CIT: variants seen among roughly 807,000 people sequenced by gnomAD.
CIT encodes the protein citron rho-interacting serine/threonine kinase.
CIT carries 79 observed loss-of-function variants against 272.7 expected under a neutral mutation model. That is an observed-to-expected ratio of 0.29 (90% CI 0.24 to 0.35). The LOEUF (loss-of-function observed/expected upper bound fraction) is 0.35, where lower values mean the gene tolerates loss of function less well. Ranked by LOEUF, CIT falls within the 10% of genes least tolerant of loss-of-function variation. The probability of loss-of-function intolerance (pLI) is 1.00; values close to 1 mark genes in which losing one functional copy is unlikely to be tolerated. For synonymous variants in CIT, 948 were observed against 995.6 expected, an observed-to-expected ratio of 0.95 and a Z score of 0.90; for missense variants, 1,909 against 2,618.3, an observed-to-expected ratio of 0.73 and a Z score of 5.91.
intron 5 of CIT, among the ~76,000 whole-genome samples, chr12:119,845,305 C>T (rs901977255): frequency 6.6e-6 from 1 of 151,996 alleles, no homozygotes; most frequent in Non-Finnish European, 1.5e-5. Flanking sequence ...CCAAGAGGTA[C>T]TCCGGGAAGG....
chr12:119,787,166 T>C (rs1403329368), intron 10 of CIT, among the ~76,000 whole-genome samples: 1 of 151,916 alleles, frequency 6.6e-6, no homozygotes, highest in Non-Finnish European at 1.5e-5. Flanking sequence ...GGTTTCTCCA[T>C]GTTGCCCAGG....
intron 19 of CIT, 126 bp downstream of exon 19, chr12:119,766,961 T>A (rs1962524483): frequency 2.0e-6 from 1 of 490,094 alleles, no homozygotes; most frequent in Middle Eastern, 3.4e-4. Context: ...CACCATGGAA[T>A]AAGGACATTA....
At chr12:119,856,123 C>T (rs147981105) in intron 4 of CIT, among the ~76,000 whole-genome samples, 3 of 152,280 alleles carry the variant, frequency 2.0e-5, no homozygotes, top group Non-Finnish European at 2.9e-5. Context: ...AGCTTCCTGC[C>T]CTCCGCTGCT....
At chr12:119,781,700 G>A (rs916391634) in intron 13 of CIT, among the ~76,000 whole-genome samples, 10 of 152,052 alleles carry the variant, frequency 6.6e-5, no homozygotes, top group East Asian at 5.8e-4. Flanking sequence ...TAAAGGTCTC[G>A]ATTCTCCTTT....
At chr12:119,837,235 C>A (rs1414605735) in intron 5 of CIT, among the ~76,000 whole-genome samples, 1 of 152,118 alleles carries the variant, frequency 6.6e-6, no homozygotes, top group Non-Finnish European at 1.5e-5. Context: ...TGTGGCTATC[C>A]CAAGATGTTA....
chr12:119,693,869 A>G (rs1009478097), intron 46 of CIT, among the ~76,000 whole-genome samples: 5 of 152,206 alleles, frequency 3.3e-5, no homozygotes, highest in African/African-American at 1.2e-4. Context: ...CCACCAAATT[A>G]TGGGCTCCTG....
rs1249142472 is a variant in CIT, at chr12:119,718,554, C to A, written c.4003+145G>T. ...AACTTGGCAATGCACAGGGGCCATA[C>A]GTTTTTCAGACATGGGATGTCTGGT... On this transcript the variant is annotated intron_variant, in intron 31 of 47. Coordinates refer to ENST00000392521, the MANE Select transcript of CIT (RefSeq NM_001206999.2). The surrounding 1 kb of genome is among the most constrained non-coding windows in gnomAD (Gnocchi z 4.8). 2.9e-6 allele frequency: 4 copies of A among 1,403,408 alleles called. No homozygotes were observed. In the Admixed American group the frequency reaches 6.1e-5, roughly 21 times the overall value. 86.9% of individuals were successfully genotyped at this position (1,403,408 alleles called of 1,614,324 possible). A position where few individuals can be genotyped will look rare whatever the true frequency, so the allele number is the denominator to read the frequency against.
At position 119,752,237 on chromosome 12, in the gene CIT, T is replaced by C; in HGVS notation, c.2717A>G (p.Glu906Gly). 2 of 1,606,788 alleles carry C rather than the reference T, an allele frequency of 1.2e-6. No homozygotes were observed. The highest frequency in any genetic ancestry group is 2.2e-5 in the South Asian group (2 of 90,884). Residue 906 changes from glutamate (E) to glycine (G), a missense_variant, in exon 23 of 48, where the codon GAG (glutamate) becomes GGG (glycine). This residue lies in a region of CIT where 530 missense variants were observed against 822.4 expected (regional missense o/e 0.64). Transcript: ENST00000392521. ...LETRLREVSLEHEEQKLELKR... is the reference protein window; with the variant it reads ...LETRLREVSLGHEEQKLELKR... The stretch of plus-strand genomic sequence containing the variant: ...GAGCTCCAGTTTCTGCTCCTCGTGC[T>C]CTAGACTGACCTGAGACAGAGAGAG...
Position 119,770,645 on chromosome 12 carries a change from A to C in CIT, c.2208+140T>G. ...TATTCATACTACTCTACGATGTGGCATATGCTGAAACCACCTCACTCAATT... is the reference window on the plus strand; with the variant it reads ...TATTCATACTACTCTACGATGTGGCCTATGCTGAAACCACCTCACTCAATT... On this transcript the variant is annotated intron_variant, in intron 18 of 47. Transcript: ENST00000392521. This position sits in a 1 kb window ranked among gnomAD's most constrained non-coding sequence, Gnocchi z 4.4. The C allele has an allele frequency of 1.1e-6, 1 of 890,862 alleles. No individual in the cohort carries two copies. Among genetic ancestry groups the C allele is most frequent in the South Asian group, 1.6e-5 (1 of 62,130 alleles). 55.2% of individuals were successfully genotyped at this position (890,862 alleles called of 1,614,324 possible). A position where few individuals can be genotyped will look rare whatever the true frequency, so the allele number is the denominator to read the frequency against.
intron 47 of CIT, among the ~76,000 whole-genome samples, chr12:119,689,137 C>T (rs1955768497): frequency 6.6e-6 from 1 of 151,880 alleles, no homozygotes; most frequent in South Asian, 2.1e-4. Flanking sequence ...TATGATCACA[C>T]CACTGCACTC....
At chr12:119,745,373 G>GAAAAAAAAA (rs1959205778) in intron 23 of CIT, among the ~76,000 whole-genome samples, 1 of 2,238 alleles carries the variant, frequency 4.5e-4, no homozygotes, top group Non-Finnish European at 9.2e-4. Flanking sequence ...GAAGAAACAA[G>GAAAAAAAAA]CAAAAAAAAA....
In CIT at chr12:119,852,626, C is replaced by CG. The variant is rs575237094; in HGVS notation, c.415-2352dup. Reference sequence around the variant, plus strand: ...CTGAGGCAGGAGAATCACTGGAACCCGGGGGCAGAGGTTGCAGTGAGCTGA... The same window carrying CG: ...CTGAGGCAGGAGAATCACTGGAACCCGGGGGGCAGAGGTTGCAGTGAGCTGA... On this transcript the variant is annotated intron_variant, in intron 4 of 47. Coordinates refer to ENST00000392521, the MANE Select transcript of CIT (RefSeq NM_001206999.2). Among the ~76,000 whole-genome samples the CG allele has an allele frequency of 1.1e-4, 17 of 151,380 alleles. No individual in the cohort carries two copies. The South Asian group carries it at 3.4e-3, about 30-fold the overall frequency.
intron 9 of CIT, among the ~76,000 whole-genome samples, chr12:119,808,995 T>A (rs1371796061): frequency 1.3e-5 from 2 of 152,132 alleles, no homozygotes; most frequent in African/African-American, 4.8e-5. Context: ...TGATGGCAAG[T>A]TTTGCCAGTG....
At chr12:119,868,312 T>A (rs1950572588) in intron 3 of CIT, among the ~76,000 whole-genome samples, 1 of 152,222 alleles carries the variant, frequency 6.6e-6, no homozygotes, top group African/African-American at 2.4e-5. Flanking sequence ...TCATTTTTCC[T>A]ATAATTTTAA....
chr12:119,693,966 T>C (rs796864900), intron 46 of CIT, among the ~76,000 whole-genome samples: 5 of 152,350 alleles, frequency 3.3e-5, no homozygotes, highest in African/African-American at 1.2e-4. Flanking sequence ...CATAACTATT[T>C]AGAAGGTAGA....
At position 119,694,362 on chromosome 12, in the gene CIT, A is replaced by C. The variant is rs1438770627; in HGVS notation, c.5882+3297T>G. On this transcript the variant is annotated intron_variant, in intron 46 of 47. Coordinates refer to ENST00000392521, the MANE Select transcript of CIT (RefSeq NM_001206999.2). This position sits in a 1 kb window ranked among gnomAD's most constrained non-coding sequence, Gnocchi z 4.5. ...CAGCCATTAATGAAGAAGCAGTTAA[A>C]CCAATTAAGGTACAGCCCTGATAAG... Among the ~76,000 whole-genome samples the C allele has an allele frequency of 6.6e-6, 1 of 152,244 alleles. No individual in the cohort carries two copies. Among genetic ancestry groups the C allele is most frequent in the East Asian group, 1.9e-4 (1 of 5,202 alleles).
Position 119,686,542 on chromosome 12 carries a change from G to C in CIT, c.*1690C>G, listed in dbSNP as rs925126139. The C allele has an allele frequency of 1.3e-5, 2 of 152,298 alleles. No individual in the cohort carries two copies. Among genetic ancestry groups the C allele is most frequent in the Admixed American group, 1.3e-4 (2 of 15,280 alleles). The allele number at this position is 152,298 out of a possible 1,614,324, so 9.4% of individuals were successfully genotyped here. A position where few individuals can be genotyped will look rare whatever the true frequency, so the allele number is the denominator to read the frequency against. On this transcript the variant is annotated 3_prime_UTR_variant, in exon 48 of 48. Transcript: ENST00000392521. ...AGGAAGGAGCTGGGATGCAGGCCAG[G>C]TTGCAATCTGGAAAGGGATCTGAAC... is the stretch of plus-strand genomic sequence containing the variant.
At chr12:119,823,177 T>C (rs1051112565) in intron 8 of CIT, among the ~76,000 whole-genome samples, 6 of 152,304 alleles carry the variant, frequency 3.9e-5, no homozygotes, top group African/African-American at 1.4e-4. Context: ...AGTTCCTTTG[T>C]AGGGGTTCAG....
At position 119,742,413 on chromosome 12, in the gene CIT, T is replaced by A; in HGVS notation, c.2956A>T (p.Thr986Ser). 6.2e-7 allele frequency: 1 copy of A among 1,608,910 alleles called. No homozygotes were observed. Among genetic ancestry groups the A allele is most frequent in the Non-Finnish European group, 8.5e-7 (1 of 1,177,696 alleles). ...RKFDALRNSC[T>S]VITDLEEQLN... ...GTCTTTGGGTAATTAATACTCACAG[T>A]ACAGCTGTTACGAAGAGCATCAAAT... Residue 986 changes from threonine to serine, a missense_variant and splice_region_variant, in exon 24 of 48, where the codon ACT becomes TCT. Coordinates refer to ENST00000392521, the MANE Select transcript of CIT (RefSeq NM_001206999.2).
Sources: gnomAD v4.1 joint callset for allele counts (sites outside exome capture counted in the v4.1 genomes callset) on GRCh38, gnomAD v4.1.1 for gene constraint, gnomAD v4.1.1 regional missense constraint, Gnocchi (gnomAD v3.1) non-coding constraint, MANE v1.5 for transcripts, NCBI Gene and HGNC (gene_info 2026-07-23, HGNC 2026-07-21) for gene names.